Variants in CHRM3 observed in about 807,000 individuals in gnomAD.
CHRM3 encodes the protein cholinergic receptor muscarinic 3, also known as muscarinic acetylcholine receptor M3.
In CHRM3, 11 loss-of-function variants were observed where a neutral mutation model predicts 41.8. The ratio of observed to expected loss-of-function variants is 0.26; its 90% CI spans 0.17 to 0.44. CHRM3 has a LOEUF of 0.44. CHRM3 is among the 20% of genes least tolerant of loss of function. The pLI is 1.00. For missense variants in CHRM3, 571 were observed against 745.4 expected, an observed-to-expected ratio of 0.77 and a Z score of 2.72; for synonymous variants, 297 against 301.4, an observed-to-expected ratio of 0.99 and a Z score of 0.15.
intron 3 of CHRM3, among the ~76,000 whole-genome samples, chr1:239,599,627 T>C (rs899312947): frequency 2.6e-5 from 4 of 152,094 alleles, no homozygotes; most frequent in Non-Finnish European, 4.4e-5. Context: ...GAAAAACCCA[T>C]TGTACAAGGA....
At chr1:239,418,232 G>T (rs1661660747) in intron 1 of CHRM3, among the ~76,000 whole-genome samples, 1 of 152,144 alleles carries the variant, frequency 6.6e-6, no homozygotes, top group Non-Finnish European at 1.5e-5. Context: ...ATACCAGAAA[G>T]AATGCTGACA....
At chr1:239,393,499 T>C (rs914118881) in intron 1 of CHRM3, among the ~76,000 whole-genome samples, 2 of 152,160 alleles carry the variant, frequency 1.3e-5, no homozygotes, top group African/African-American at 4.8e-5. Flanking sequence ...GTAGCTTGTG[T>C]GAAGGGAGAG....
intron 5 of CHRM3, among the ~76,000 whole-genome samples, chr1:239,746,747 C>CTATT (rs1665391428): frequency 1.3e-5 from 2 of 151,830 alleles, no homozygotes; most frequent in South Asian, 2.1e-4. Context: ...CTTTATTACT[C>CTATT]TATTTCTTTC....
chr1:239,665,768 G>A (rs1295560554), intron 4 of CHRM3, among the ~76,000 whole-genome samples: 1 of 152,060 alleles, frequency 6.6e-6, no homozygotes, highest in Non-Finnish European at 1.5e-5. Context: ...GGAACTTGCG[G>A]TGTTTCGTTT....
At chr1:239,446,124 A>G (rs1453652424) in intron 1 of CHRM3, among the ~76,000 whole-genome samples, 3 of 152,074 alleles carry the variant, frequency 2.0e-5, no homozygotes, top group African/African-American at 4.8e-5. Context: ...TTTAGTAGAG[A>G]TGGGGTTTCA....
chr1:239,717,261 G>A (rs1662473906), intron 5 of CHRM3, among the ~76,000 whole-genome samples: 1 of 152,094 alleles, frequency 6.6e-6, no homozygotes, highest in Non-Finnish European at 1.5e-5. Flanking sequence ...GGCTTTGAAA[G>A]CAACCAGTTT....
At chr1:239,406,689 A>G (rs531092210) in intron 1 of CHRM3, among the ~76,000 whole-genome samples, 6 of 152,294 alleles carry the variant, frequency 3.9e-5, no homozygotes, top group Non-Finnish European at 5.9e-5. Flanking sequence ...CTAAGCTATA[A>G]AGAAGTAATG....
rs117367609 is a variant in CHRM3 at position 239,458,970 on chromosome 1, G to T, written c.-520-33739G>T. ...TACTTACTCTCATTATAATGAAATG[G>T]CACATTGTATTGAACAAAGCTGTAG... On this transcript the variant is annotated intron_variant, in intron 1 of 6. Coordinates refer to ENST00000676153, the MANE Select transcript of CHRM3 (RefSeq NM_001375978.1). Among the ~76,000 whole-genome samples, 145 of 152,206 alleles carry T rather than the reference G, an allele frequency of 9.5e-4. 1 individual carries two copies. The South Asian group carries it at 0.016, about 16-fold the overall frequency.
chr1:239,642,385 C>T (rs1476309913), intron 4 of CHRM3, among the ~76,000 whole-genome samples: 2 of 152,020 alleles, frequency 1.3e-5, no homozygotes, highest in South Asian at 4.2e-4. Context: ...CCATTCTCCC[C>T]GTCACTTTCA....
chr1:239,743,389 G>T (rs1665029303), intron 5 of CHRM3, among the ~76,000 whole-genome samples: 1 of 152,124 alleles, frequency 6.6e-6, no homozygotes, highest in Non-Finnish European at 1.5e-5. Context: ...CTCAATTCAT[G>T]CTCCTTAATA....
At position 239,409,602 on chromosome 1, in the gene CHRM3, A is replaced by G. The variant is rs562868697; in HGVS notation, c.-521+22375A>G. On this transcript the variant is annotated intron_variant, in intron 1 of 6. Coordinates refer to ENST00000676153, the MANE Select transcript of CHRM3 (RefSeq NM_001375978.1). ...AGATATTTAAAAAATTTTTGGGGCT[A>G]TTTTACTAGGACCACATGGAAGTTT... 1.1e-4 allele frequency among the ~76,000 whole-genome samples: 17 copies of G among 152,198 alleles called. No homozygotes were observed. In the South Asian group the frequency reaches 2.1e-3, roughly 19 times the overall value.
intron 2 of CHRM3, among the ~76,000 whole-genome samples, chr1:239,538,136 C>A (rs1403337699): frequency 7.2e-5 from 11 of 152,182 alleles, no homozygotes; most frequent in Admixed American, 6.5e-4. Context: ...AAGAGAAATG[C>A]AGGAGCATGT....
chr1:239,692,208 G>A (rs960005766), intron 5 of CHRM3, among the ~76,000 whole-genome samples: 1 of 152,172 alleles, frequency 6.6e-6, no homozygotes, highest in African/African-American at 2.4e-5. Flanking sequence ...CCTTGTTCAT[G>A]ATGATACACC....
intron 5 of CHRM3, among the ~76,000 whole-genome samples, chr1:239,763,013 T>C (rs1666925460): frequency 6.6e-6 from 1 of 152,190 alleles, no homozygotes; most frequent in African/African-American, 2.4e-5. Context: ...GGTCCATTTT[T>C]ATTTTAAGAG....
chr1:239,446,869 G>GGAACAT (rs1461179067), intron 1 of CHRM3, among the ~76,000 whole-genome samples: 4 of 152,118 alleles, frequency 2.6e-5, no homozygotes, highest in Non-Finnish European at 2.9e-5. Context: ...TTAGAAGGAT[G>GGAACAT]TTAGTAATGT....
At chr1:239,897,004 C>A (rs1398576275) in intron 6 of CHRM3, among the ~76,000 whole-genome samples, 1 of 152,160 alleles carries the variant, frequency 6.6e-6, no homozygotes, top group Non-Finnish European at 1.5e-5. Flanking sequence ...ATACTGGGTG[C>A]TTTATACAGA....
chr1:239,474,090 C>G (rs1666312141), intron 1 of CHRM3, among the ~76,000 whole-genome samples: 1 of 151,822 alleles, frequency 6.6e-6, no homozygotes, highest in Non-Finnish European at 1.5e-5. Flanking sequence ...TATATAATGA[C>G]ATTTCAGAGT....
At chr1:239,590,377 C>G (rs1299077258) in intron 3 of CHRM3, among the ~76,000 whole-genome samples, 1 of 152,040 alleles carries the variant, frequency 6.6e-6, no homozygotes. Context: ...ACTTTATAGT[C>G]TAACAGAAGG....
At chr1:239,434,201 G>C (rs1320232832) in intron 1 of CHRM3, among the ~76,000 whole-genome samples, 1 of 152,140 alleles carries the variant, frequency 6.6e-6, no homozygotes, top group African/African-American at 2.4e-5. Context: ...GTTTCCCTCA[G>C]TTACACTTTT....
Sources: gnomAD v4.1 joint callset for allele counts (sites outside exome capture counted in the v4.1 genomes callset) on GRCh38, gnomAD v4.1.1 for gene constraint, MANE v1.5 for transcripts, NCBI Gene and HGNC (gene_info 2026-07-23, HGNC 2026-07-21) for gene names.